Variants in ESRRG observed in about 807,000 individuals in gnomAD.
ESRRG encodes estrogen-related receptor gamma.
In ESRRG, 13 loss-of-function variants were observed where a neutral mutation model predicts 44.0. The observed-to-expected ratio is 0.30, with a 90% confidence interval of 0.19 to 0.47. ESRRG has a LOEUF of 0.47. Among genes scored for constraint, ESRRG ranks in the 20% least tolerant of loss-of-function variants. The pLI is 1.00. For synonymous variants in ESRRG, 215 were observed against 214.6 expected (o/e 1.00, Z -0.02); for missense variants, 395 against 580.6 (o/e 0.68, Z 3.29).
chr1:216,754,638 G>A (rs991046725), intron 2 of ESRRG, among the ~76,000 whole-genome samples: 4 of 150,752 alleles, frequency 2.7e-5, no homozygotes, highest in African/African-American at 9.7e-5. Flanking sequence ...ATTTATTTCA[G>A]TCACTAATTT....
intron 1 of ESRRG, among the ~76,000 whole-genome samples, chr1:217,131,620 G>A (rs1467355894): frequency 6.6e-6 from 1 of 152,236 alleles, no homozygotes; most frequent in Non-Finnish European, 1.5e-5. Flanking sequence ...AATGAAGTGA[G>A]ATATTGGAGG....
chr1:216,802,139 C>A (rs917265057), intron 2 of ESRRG, among the ~76,000 whole-genome samples: 2 of 152,068 alleles, frequency 1.3e-5, no homozygotes, highest in Non-Finnish European at 2.9e-5. Context: ...ACTGCAGAAG[C>A]ATCAAACTAG....
intron 2 of ESRRG, among the ~76,000 whole-genome samples, chr1:216,917,215 T>C (rs1195177518): frequency 6.6e-6 from 1 of 151,368 alleles, no homozygotes; most frequent in Non-Finnish European, 1.5e-5. Flanking sequence ...AAGTGAAATC[T>C]GCCAGGTCTA....
intron 1 of ESRRG, chr1:217,000,544 G>A (rs2076899074): frequency 6.6e-6 from 1 of 152,164 alleles, no homozygotes; most frequent in African/African-American, 2.4e-5. Context: ...TTCCGTAAAA[G>A]GCTATATTGT....
chr1:217,099,750 C>T (rs1156313357), intron 1 of ESRRG, among the ~76,000 whole-genome samples: 2 of 152,202 alleles, frequency 1.3e-5, no homozygotes, highest in African/African-American at 2.4e-5. Context: ...CACAATTGTA[C>T]AAGGGCTCCA....
At chr1:216,658,622 ACCAGCCTGG>A in intron 2 of ESRRG, among the ~76,000 whole-genome samples, 1 of 150,758 alleles carries the variant, frequency 6.6e-6, no homozygotes, top group South Asian at 2.1e-4. Flanking sequence ...GGAGTTCGAA[ACCAGCCTGG>A]CCAACATGGC....
chr1:217,082,749 G>T (rs2091852344), intron 1 of ESRRG, among the ~76,000 whole-genome samples: 1 of 151,594 alleles, frequency 6.6e-6, no homozygotes, highest in African/African-American at 2.4e-5. Flanking sequence ...CTACTTCAGA[G>T]AATAGCTTTT....
chr1:216,759,868 T>A (rs966294232), intron 2 of ESRRG, among the ~76,000 whole-genome samples: 3 of 152,166 alleles, frequency 2.0e-5, no homozygotes, highest in African/African-American at 7.2e-5. Context: ...ACAAGCACTT[T>A]TGCCTCCAAG....
chr1:217,037,885 T>C (rs1289623941), intron 1 of ESRRG, among the ~76,000 whole-genome samples: 4 of 152,146 alleles, frequency 2.6e-5, no homozygotes, highest in Non-Finnish European at 5.9e-5. Flanking sequence ...CCCATGCAAG[T>C]CCGAAATCCA....
intron 1 of ESRRG, chr1:216,707,442 T>G: frequency 6.5e-7 from 1 of 1,535,782 alleles, no homozygotes; most frequent in Non-Finnish European, 8.7e-7. Flanking sequence ...AGGATCTAAA[T>G]GCACAATTCC....
intron 5 of ESRRG, among the ~76,000 whole-genome samples, chr1:216,531,016 G>A (rs1241540893): frequency 1.3e-5 from 2 of 152,062 alleles, no homozygotes; most frequent in African/African-American, 4.8e-5. Flanking sequence ...GCCCTAGGAG[G>A]AGGAGAGGCA....
intron 2 of ESRRG, among the ~76,000 whole-genome samples, chr1:216,752,658 G>A (rs921901498): frequency 6.6e-6 from 1 of 151,976 alleles, no homozygotes; most frequent in African/African-American, 2.4e-5. Flanking sequence ...TCAGTATGAT[G>A]GTAATTACTA....
chr1:216,598,827 T>C (rs1465386101), intron 3 of ESRRG, among the ~76,000 whole-genome samples: 2 of 152,054 alleles, frequency 1.3e-5, no homozygotes, highest in Admixed American at 6.6e-5. Flanking sequence ...AGTCAGTCAG[T>C]CAAAAAGAAT....
At chr1:216,763,569 G>T (rs554641690) in intron 2 of ESRRG, among the ~76,000 whole-genome samples, 2 of 152,192 alleles carry the variant, frequency 1.3e-5, no homozygotes, top group Non-Finnish European at 2.9e-5. Context: ...ATTAATATAC[G>T]CTTAGCATTT....
intron 2 of ESRRG, among the ~76,000 whole-genome samples, chr1:216,662,688 G>A (rs1462053492): frequency 6.6e-6 from 1 of 152,122 alleles, no homozygotes; most frequent in African/African-American, 2.4e-5. Context: ...CCTCCACTGT[G>A]GGATATTTGT....
intron 1 of ESRRG, among the ~76,000 whole-genome samples, chr1:216,690,617 T>TA (rs1367809696): frequency 6.6e-6 from 1 of 152,000 alleles, no homozygotes; most frequent in African/African-American, 2.4e-5. Context: ...AAAGGTAATC[T>TA]AAAAAAAATT....
chr1:217,034,770 G>A (rs1461661335), intron 1 of ESRRG, among the ~76,000 whole-genome samples: 2 of 152,164 alleles, frequency 1.3e-5, no homozygotes, highest in Non-Finnish European at 2.9e-5. Context: ...ACAGGGACCA[G>A]GCTGCAGTGC....
At chr1:216,891,151 G>C (rs1303993367) in intron 2 of ESRRG, among the ~76,000 whole-genome samples, 1 of 152,096 alleles carries the variant, frequency 6.6e-6, no homozygotes, top group Admixed American at 6.5e-5. Flanking sequence ...CCCTTTTCTT[G>C]AACAACGCTG....
rs1242186890 is a variant in ESRRG at position 216,868,101 on chromosome 1, TTTTG to T, written c.-14+71477_-14+71480del. Among the ~76,000 whole-genome samples the T allele has an allele frequency of 2.1e-3, 312 of 146,386 alleles. 2 individuals are homozygous for T. The highest frequency in any genetic ancestry group is 7.7e-3 in the African/African-American group (299 of 38,732). On this transcript the variant is annotated intron_variant, in intron 2 of 7. Transcript: ENST00000359162. ...ATCCTTTTTTTTTTTTTTTTTTTTT[TTTTG>T]AGACAGAGTTTCACTCCTATTGCCC... is the stretch of plus-strand genomic sequence containing the variant.
Sources: allele counts gnomAD v4.1 joint callset (sites outside exome capture counted in the v4.1 genomes callset), GRCh38; gene constraint gnomAD v4.1.1; transcripts MANE v1.5; gene names NCBI Gene and HGNC (gene_info 2026-07-23, HGNC 2026-07-21).